The following ANKRD30B variants were observed in gnomAD, a reference collection of about 807,000 sequenced individuals.
ANKRD30B encodes ankyrin repeat domain 30B.
A neutral mutation model predicts 202.2 loss-of-function variants in ANKRD30B; 144 were observed. That is an observed-to-expected ratio of 0.71 (90% CI 0.62 to 0.82). The LOEUF is 0.82. Among genes scored for constraint, ANKRD30B ranks in the 40% least tolerant of loss-of-function variants. ANKRD30B has a pLI of 0.00. For synonymous variants in ANKRD30B, 508 were observed against 561.3 expected, an observed-to-expected ratio of 0.91 and a Z score of 1.34; for missense variants, 1,487 against 1,669.1, an observed-to-expected ratio of 0.89 and a Z score of 1.90.
At chr18:14,809,014 G>T (rs189245734) in intron 26 of ANKRD30B, among the ~76,000 whole-genome samples, 1 of 150,506 alleles carries the variant, frequency 6.6e-6, no homozygotes, top group Admixed American at 6.6e-5. Context: ...CAGGTGGATC[G>T]GCAGGTTGAG....
chr18:14,818,821 T>C (rs1970257167), intron 30 of ANKRD30B, among the ~76,000 whole-genome samples: 1 of 152,032 alleles, frequency 6.6e-6, no homozygotes, highest in Non-Finnish European at 1.5e-5. Flanking sequence ...GCAATAAACA[T>C]ACGTGTGCAT....
At chr18:14,793,007 G>T (rs541569869) in intron 16 of ANKRD30B, among the ~76,000 whole-genome samples, 1 of 152,148 alleles carries the variant, frequency 6.6e-6, no homozygotes, top group African/African-American at 2.4e-5. Flanking sequence ...TTTAATGTCT[G>T]TTGCAACTAA....
At position 14,822,558 on chromosome 18, in the gene ANKRD30B, T is replaced by A. The variant is rs1411339591; in HGVS notation, c.2670+47T>A. The stretch of plus-strand genomic sequence containing the variant: ...TCTTGAATATTAACTACTTATTTTA[T>A]GAAGTATACATTATATAGTAATTAT... On this transcript the variant is annotated intron_variant, in intron 31 of 43. Transcript: ENST00000690538. 5.9e-6 allele frequency: 6 copies of A among 1,010,198 alleles called. No homozygotes were observed. In the East Asian group the frequency reaches 7.9e-5, roughly 13 times the overall value. The allele number at this position is 1,010,198 out of a possible 1,614,324, so 62.6% of individuals were successfully genotyped here.
the ANKRD30B span, among the ~76,000 whole-genome samples, chr18:14,933,945 T>G: frequency 6.6e-6 from 1 of 152,198 alleles, no homozygotes; most frequent in African/African-American, 2.4e-5. Flanking sequence ...TTTCTAACCC[T>G]TGTCAGCTTC....
At chr18:14,795,087 A>C (rs1329620087) in intron 16 of ANKRD30B, among the ~76,000 whole-genome samples, 1 of 152,264 alleles carries the variant, frequency 6.6e-6, no homozygotes, top group Non-Finnish European at 1.5e-5. Flanking sequence ...TTCCTTGAAC[A>C]ATAAAACTGT....
At chr18:14,776,485 A>G (rs1967358813) in intron 9 of ANKRD30B, among the ~76,000 whole-genome samples, 1 of 152,248 alleles carries the variant, frequency 6.6e-6, no homozygotes, top group Non-Finnish European at 1.5e-5. Context: ...GGAGTAAGCC[A>G]TATGAAAGTC....
At chr18:14,787,146 T>C (rs549452206) in intron 15 of ANKRD30B, 46 bp downstream of exon 15, 2 of 1,524,446 alleles carry the variant, frequency 1.3e-6, no homozygotes, top group East Asian at 4.6e-5. Flanking sequence ...TTGCATGAGA[T>C]GAAAACATAA....
At chr18:14,917,180 A>G in the ANKRD30B span, among the ~76,000 whole-genome samples, 5 of 152,236 alleles carry the variant, frequency 3.3e-5, no homozygotes, top group East Asian at 7.7e-4. Context: ...TATGCATGTC[A>G]TTCTCCGTCT....
intron 34 of ANKRD30B, 147 bp downstream of exon 34, chr18:14,831,602 T>C (rs1970943384): frequency 7.6e-6 from 4 of 527,512 alleles, no homozygotes; most frequent in South Asian, 3.1e-5. Flanking sequence ...TATAGAAATA[T>C]GAGTAGTTGA....
the ANKRD30B span, among the ~76,000 whole-genome samples, chr18:14,916,678 TATTA>T: frequency 3.3e-5 from 5 of 152,244 alleles, no homozygotes; most frequent in South Asian, 2.1e-4. Context: ...TTAATTTTTC[TATTA>T]ATTATCTGAG....
intron 28 of ANKRD30B, among the ~76,000 whole-genome samples, chr18:14,810,712 C>T (rs558383312): frequency 6.6e-6 from 1 of 151,214 alleles, no homozygotes; most frequent in African/African-American, 2.4e-5. Context: ...AGAAGTGTGA[C>T]TCTAAAGCTT....
In ANKRD30B at chr18:14,809,542, A is replaced by G. The variant is rs567775356; in HGVS notation, c.2387-444A>G. 4.6e-5 allele frequency among the ~76,000 whole-genome samples: 7 copies of G among 150,842 alleles called. No homozygotes were observed. The South Asian group carries it at 6.3e-4, about 14-fold the overall frequency. On this transcript the variant is annotated intron_variant, in intron 26 of 43. Coordinates refer to ENST00000690538, the MANE Select transcript of ANKRD30B (RefSeq NM_001367607.2). ...TTATCCATATGGACAGGCACCCCCC[A>G]TGCATCTGTTTATAGGCTCTCCACA...
rs368489461 is a variant in ANKRD30B at position 14,757,888 on chromosome 18, G to A, written c.691G>A (p.Val231Ile). The A allele has an allele frequency of 3.4e-5, 55 of 1,612,880 alleles. No homozygotes were observed. In the African/African-American group the frequency reaches 5.2e-4, roughly 15 times the overall value. The change falls in exon 5 of 44, where the codon GTC becomes ATC. Residue 231 changes from valine to isoleucine, a missense_variant. Physicochemically the swap from Val to Ile is conservative, Grantham distance 29 (BLOSUM62 3). This residue lies in a region of ANKRD30B where 889 missense variants were observed against 841.4 expected (regional missense o/e 1.06). Transcript: ENST00000690538. ...CATGCTTCTTCAGCAAAATGTTGAC[G>A]TCTTTGCTGAAGACATACATGGAAT... ...VGMLLQQNVD[V>I]FAEDIHGITA...
the ANKRD30B span, among the ~76,000 whole-genome samples, chr18:14,861,592 G>A: frequency 2.7e-5 from 4 of 150,068 alleles, no homozygotes; most frequent in Admixed American, 2.0e-4. Flanking sequence ...AAATATATAT[G>A]CAGCCAACAT....
At chr18:14,876,085 G>T in the ANKRD30B span, among the ~76,000 whole-genome samples, 3 of 151,932 alleles carry the variant, frequency 2.0e-5, no homozygotes, top group African/African-American at 7.3e-5. Flanking sequence ...AGCCTGGGTC[G>T]TGAGAATCCT....
intron 10 of ANKRD30B, among the ~76,000 whole-genome samples, chr18:14,779,272 A>G (rs1326991402): frequency 8.5e-5 from 13 of 152,194 alleles, no homozygotes; most frequent in Admixed American, 8.5e-4. Flanking sequence ...TAGGTTACTT[A>G]CAGCAATCAT....
At chr18:14,764,387 T>C (rs1485225142) in intron 7 of ANKRD30B, among the ~76,000 whole-genome samples, 2 of 152,080 alleles carry the variant, frequency 1.3e-5, no homozygotes, top group African/African-American at 2.4e-5. Context: ...TTTTTTATTT[T>C]ATTTTATTTA....
At chr18:14,765,234 G>A (rs1454538216) in intron 7 of ANKRD30B, among the ~76,000 whole-genome samples, 3 of 152,138 alleles carry the variant, frequency 2.0e-5, no homozygotes, top group African/African-American at 7.2e-5. Flanking sequence ...GCTGAGGCAT[G>A]TGGATCGTGA....
At chr18:14,890,273 A>G in the ANKRD30B span, among the ~76,000 whole-genome samples, 18 of 152,210 alleles carry the variant, frequency 1.2e-4, no homozygotes, top group Middle Eastern at 6.8e-3. Flanking sequence ...TAGTCATTAT[A>G]TAAGGGAAGT....
Sources: gnomAD v4.1 joint callset for allele counts (sites outside exome capture counted in the v4.1 genomes callset) on GRCh38, gnomAD v4.1.1 for gene constraint, gnomAD v4.1.1 regional missense constraint, MANE v1.5 for transcripts, NCBI Gene and HGNC (gene_info 2026-07-23, HGNC 2026-07-21) for gene names.